MSI2: variants seen among roughly 807,000 people sequenced by gnomAD.
MSI2 encodes RNA-binding protein Musashi homolog 2.
Under a neutral mutation model 45.6 loss-of-function variants are expected in MSI2, and 17 were observed. The observed-to-expected ratio is 0.37, with a 90% CI of 0.26 to 0.56. The LOEUF (loss-of-function observed/expected upper bound fraction) is 0.56. Ranked by LOEUF, MSI2 falls within the 20% of genes least tolerant of loss-of-function variation. The pLI, the probability that MSI2 is intolerant of heterozygous loss-of-function variation, is 0.77. For missense variants in MSI2, 293 were observed against 444.2 expected (o/e 0.66, Z 3.06); for synonymous variants, 156 against 158.2 (o/e 0.99, Z 0.11).
intron 6 of MSI2, among the ~76,000 whole-genome samples, chr17:57,421,256 A>G (rs1481560175): frequency 6.6e-6 from 1 of 152,156 alleles, no homozygotes; most frequent in Non-Finnish European, 1.5e-5. Flanking sequence ...GCCCCGTGGC[A>G]GTCCCCTCAC....
rs557790532 is a variant in MSI2, at chr17:57,500,084, G to A, written c.406-29592G>A. Among the ~76,000 whole-genome samples, 63 of 152,280 alleles carry A rather than the reference G, an allele frequency of 4.1e-4. 1 individual carries two copies. Among genetic ancestry groups the A allele is most frequent in the African/African-American group, 1.4e-3 (57 of 41,552 alleles). ...TCCTATCGTAGATCGCATGTGGCAC[G>A]GGGGAGATATTGTGGCCATCTTAGG... On this transcript the variant is annotated intron_variant, in intron 6 of 13. Transcript: ENST00000284073.
Position 57,487,148 on chromosome 17 carries a change from G to A in MSI2, c.406-42528G>A, listed in dbSNP as rs561564256. Among the ~76,000 whole-genome samples, 189 of 152,342 alleles carry A rather than the reference G, an allele frequency of 1.2e-3. 1 individual carries two copies. The highest frequency in any genetic ancestry group is 4.5e-3 in the African/African-American group (186 of 41,584). On this transcript the variant is annotated intron_variant, in intron 6 of 13. Coordinates refer to ENST00000284073, the MANE Select transcript of MSI2 (RefSeq NM_138962.4). The stretch of plus-strand genomic sequence containing the variant: ...TGCAGGGGACTTCAGATCACGGGGT[G>A]AGGGAGGAGGCTCACTGAGAGAGAA...
intron 2 of MSI2, 76 bp from the exon 3 acceptor site, chr17:57,257,390 C>T: frequency 2.2e-6 from 2 of 922,194 alleles, no homozygotes; most frequent in African/African-American, 1.7e-5. Context: ...GGATTTTGTC[C>T]TTGATCAAAA....
Position 57,381,734 on chromosome 17 carries a change from T to G in MSI2, c.313-19645T>G, listed in dbSNP as rs149833069. On this transcript the variant is annotated intron_variant, in intron 5 of 13. Coordinates refer to ENST00000284073, the MANE Select transcript of MSI2 (RefSeq NM_138962.4). Reference sequence around the variant, plus strand: ...TAATTAATTTACAATTTAACTTCAGTAGCCATGTGTGGCTGGTGCTATTCT... The same window carrying G: ...TAATTAATTTACAATTTAACTTCAGGAGCCATGTGTGGCTGGTGCTATTCT... Among the ~76,000 whole-genome samples, 503 of 152,368 alleles carry G rather than the reference T, an allele frequency of 3.3e-3. 2 individuals are homozygous for G. Among genetic ancestry groups the G allele is most frequent in the African/African-American group, 0.011 (474 of 41,582 alleles).
At chr17:57,690,743 ATTCTCT>A in the MSI2 span, among the ~76,000 whole-genome samples, 3 of 152,034 alleles carry the variant, frequency 2.0e-5, no homozygotes, top group African/African-American at 7.3e-5. Flanking sequence ...TATTCTCTTT[ATTCTCT>A]TAATGTTTTT....
At chr17:57,574,643 A>G (rs1257825535) in intron 7 of MSI2, among the ~76,000 whole-genome samples, 2 of 152,142 alleles carry the variant, frequency 1.3e-5, no homozygotes, top group Non-Finnish European at 2.9e-5. Flanking sequence ...CACAGCCTTT[A>G]GGCGCAGCAG....
the MSI2 span, among the ~76,000 whole-genome samples, chr17:57,698,337 T>C: frequency 6.6e-6 from 1 of 152,222 alleles, no homozygotes; most frequent in Admixed American, 6.5e-5. Context: ...CTTGCCCACT[T>C]TCTGTGCCCG....
intron 5 of MSI2, among the ~76,000 whole-genome samples, chr17:57,400,940 C>A (rs1318077804): frequency 6.6e-6 from 1 of 152,166 alleles, no homozygotes; most frequent in African/African-American, 2.4e-5. Flanking sequence ...GCACAAACAG[C>A]TCAGCGTAGA....
intron 8 of MSI2, chr17:57,601,028 A>AT (rs1302195756): frequency 6.6e-6 from 1 of 152,132 alleles, no homozygotes; most frequent in Admixed American, 6.5e-5. Flanking sequence ...TACCCATCAG[A>AT]CTGTGTGTCC....
intron 6 of MSI2, chr17:57,522,992 G>A (rs2086623362): frequency 6.6e-6 from 1 of 151,850 alleles, no homozygotes; most frequent in Admixed American, 6.6e-5. Flanking sequence ...CCACCCATTA[G>A]CCAGCTAACT....
At position 57,680,597 on chromosome 17, in the gene MSI2, A is replaced by G. The variant is rs561378784; in HGVS notation, c.*1080A>G. 2 of 226,712 alleles carry G rather than the reference A, an allele frequency of 8.8e-6. No homozygotes were observed. The highest frequency in any genetic ancestry group is 1.1e-4 in the Admixed American group (2 of 17,552). 14.0% of individuals were successfully genotyped at this position (226,712 alleles called of 1,614,324 possible). ...AACTGTATTAGTGTTGTACCAGCCT[A>G]TTAACCTCTTGTCTGTGCACAGCTT... On this transcript the variant is annotated 3_prime_UTR_variant, in exon 14 of 14. Transcript: ENST00000284073.
At chr17:57,285,711 C>T (rs1406670092) in intron 5 of MSI2, 3 of 604,482 alleles carry the variant, frequency 5.0e-6, no homozygotes, top group African/African-American at 1.9e-5. Context: ...GTTACAGGAA[C>T]GTCTCCCCAA....
chr17:57,575,083 GC>G (rs957174380), intron 7 of MSI2, among the ~76,000 whole-genome samples: 9 of 151,672 alleles, frequency 5.9e-5, no homozygotes, highest in Admixed American at 3.3e-4. Flanking sequence ...GCCCACCTTG[GC>G]CTCCCAAAGT....
chr17:57,362,123 C>T (rs868405553), intron 5 of MSI2, among the ~76,000 whole-genome samples: 3 of 152,118 alleles, frequency 2.0e-5, no homozygotes, highest in Non-Finnish European at 2.9e-5. Context: ...GTGAATGGCT[C>T]GTGGAACTGC....
intron 5 of MSI2, among the ~76,000 whole-genome samples, chr17:57,298,371 C>G (rs138350548): frequency 6.6e-6 from 1 of 152,170 alleles, no homozygotes; most frequent in Admixed American, 6.5e-5. Context: ...CAGTAGGTCT[C>G]AACAGTGGGC....
intron 7 of MSI2, among the ~76,000 whole-genome samples, chr17:57,585,004 GACGGGGTTTCA>G (rs1372195825): frequency 2.6e-5 from 4 of 152,042 alleles, no homozygotes; most frequent in Non-Finnish European, 5.9e-5. Flanking sequence ...TTTTAGTAGA[GACGGGGTTTCA>G]CCATGTTGGC....
chr17:57,452,486 G>C (rs1005424167), intron 6 of MSI2, among the ~76,000 whole-genome samples: 4 of 152,240 alleles, frequency 2.6e-5, no homozygotes, highest in Admixed American at 6.5e-5. Context: ...GCCTGTTAGT[G>C]GGTCCTGGAC....
At chr17:57,695,374 T>G in the MSI2 span, among the ~76,000 whole-genome samples, 1 of 152,134 alleles carries the variant, frequency 6.6e-6, no homozygotes, top group African/African-American at 2.4e-5. Flanking sequence ...GGGATTATAT[T>G]AGCTGAGAGG....
chr17:57,624,044 G>A (rs1210694363), intron 9 of MSI2, among the ~76,000 whole-genome samples: 1 of 152,200 alleles, frequency 6.6e-6, no homozygotes, highest in African/African-American at 2.4e-5. Context: ...CAAAGTTGGG[G>A]TGAACTTGAC....
Sources: allele counts gnomAD v4.1 joint callset (sites outside exome capture counted in the v4.1 genomes callset), GRCh38; gene constraint gnomAD v4.1.1; transcripts MANE v1.5; gene names NCBI Gene and HGNC (gene_info 2026-07-23, HGNC 2026-07-21).